Variants in ZIC5 observed in about 807,000 individuals in gnomAD.
ZIC5 encodes the protein Zic family zinc finger 5.
A neutral mutation model predicts 28.5 loss-of-function variants in ZIC5; 20 were observed. The ratio of observed to expected loss-of-function variants is 0.70; its 90% CI spans 0.49 to 1.02. The LOEUF (loss-of-function observed/expected upper bound fraction) is 1.02. Ranked by LOEUF, ZIC5 falls within the 50% of genes least tolerant of loss-of-function variation. ZIC5 has a pLI of 0.00. For synonymous variants in ZIC5, 488 were observed against 410.4 expected (o/e 1.19, Z -2.29); for missense variants, 951 against 899.7 (o/e 1.06, Z -0.73).
Position 99,970,208 on chromosome 13 carries a change from G to A in ZIC5, c.1396C>T (p.Pro466Ser). Residue 466 changes from proline to serine, a missense_variant, in exon 1 of 2, where the codon CCC (proline) becomes TCC (serine). This residue lies in a region of ZIC5 where 59 missense variants were observed against 121.2 expected (regional missense o/e 0.49). Coordinates refer to ENST00000267294, the MANE Select transcript of ZIC5 (RefSeq NM_033132.5). ...CAGCCGGGGAAAGGGCAGGGAAAGG[G>A]CTTCTCGCCGGTGTGCACGCGGATG... is the stretch of plus-strand genomic sequence containing the variant. ...NHIRVHTGEK[P>S]FPCPFPGCGK... 1 of 1,613,604 alleles carries A rather than the reference G, an allele frequency of 6.2e-7. No homozygotes were observed. Among genetic ancestry groups the A allele is most frequent in the Non-Finnish European group, 8.5e-7 (1 of 1,179,790 alleles).
At chr13:99,969,717 T>C (rs984586005) in intron 1 of ZIC5, among the ~76,000 whole-genome samples, 2 of 151,974 alleles carry the variant, frequency 1.3e-5, no homozygotes, top group East Asian at 3.9e-4. Context: ...CCGGCCTCTC[T>C]TTCCATCGCC....
chr13:99,965,863 C>G (rs1365485303), intron 1 of ZIC5, 44 bp from the exon 2 acceptor site: 2 of 1,558,896 alleles, frequency 1.3e-6, no homozygotes, highest in Non-Finnish European at 1.7e-6. Flanking sequence ...TTTCCAAGAC[C>G]CCTCTCTTGA....
At position 99,970,066 on chromosome 13, in the gene ZIC5, AGCGGCGGCGGCGCAGGAGCTGGTGGCG is replaced by A. The variant is rs1243565407; in HGVS notation, c.1477+34_1477+60del. 2.3e-5 allele frequency: 37 copies of A among 1,594,474 alleles called. No individual in the cohort carries two copies. In the South Asian group the frequency reaches 2.4e-4, roughly 10 times the overall value. On this transcript the variant is annotated intron_variant, in intron 1 of 1. Transcript: ENST00000267294. ...GAGGAGGAGGAGAAGCAGCGGCGGA[AGCGGCGGCGGCGCAGGAGCTGGTGGCG>A]GCGGCGGCGGCGCGGCCGGGGACAG...
intron 1 of ZIC5, among the ~76,000 whole-genome samples, chr13:99,969,619 G>C (rs989811828): frequency 1.3e-5 from 2 of 152,160 alleles, no homozygotes; most frequent in African/African-American, 2.4e-5. Context: ...GCCCAAATCC[G>C]GCAGCAAATC....
At position 99,970,357 on chromosome 13, in the gene ZIC5, T is replaced by C; in HGVS notation, c.1247A>G (p.Glu416Gly). The C allele has an allele frequency of 6.3e-7, 1 of 1,596,532 alleles. No homozygotes were observed. Among genetic ancestry groups the C allele is most frequent in the Non-Finnish European group, 8.5e-7 (1 of 1,174,364 alleles). ...PCSKTFGTMHELVNHVTVEHV... is the reference protein window; with the variant it reads ...PCSKTFGTMHGLVNHVTVEHV... ...CTCCACCGTGACGTGATTCACCAGCTCGTGCATGGTGCCGAAAGTTTTGGA... is the reference window on the plus strand; with the variant it reads ...CTCCACCGTGACGTGATTCACCAGCCCGTGCATGGTGCCGAAAGTTTTGGA... Residue 416 changes from glutamate to glycine, a missense_variant, in exon 1 of 2, where the codon GAG becomes GGG. Physicochemically the swap from Glu to Gly is moderately conservative, Grantham distance 98 (BLOSUM62 -2). Coordinates refer to ENST00000267294, the MANE Select transcript of ZIC5 (RefSeq NM_033132.5).
chr13:99,970,653 GGCC>G lies in ZIC5; in HGVS notation c.948_950del (p.Ala321del). 8.7e-7 allele frequency: 1 copy of G among 1,144,018 alleles called. No individual in the cohort carries two copies. 70.9% of individuals were successfully genotyped at this position (1,144,018 alleles called of 1,614,324 possible). A position where few individuals can be genotyped will look rare whatever the true frequency, so the allele number is the denominator to read the frequency against. The stretch of plus-strand genomic sequence containing the variant: ...GGGGCCCGGGCCCGGCCGCTGCTGC[GGCC>G]GCCGCAGCCGCCAGGTTCAGGTTTA... On this transcript the variant is annotated inframe_deletion, in exon 1 of 2. Coordinates refer to ENST00000267294, the MANE Select transcript of ZIC5 (RefSeq NM_033132.5).
In ZIC5 at chr13:99,970,414, GGC is replaced by G. The variant is rs2152156194; in HGVS notation, c.1188_1189del (p.Pro397ThrfsTer103). ...CTTGGCGCCGCCGGCCGGGGGCGGT[GGC>G]GGCGGCGGCGGCGGCGGCGGCGGCG... On this transcript the variant is annotated frameshift_variant, in exon 1 of 2. Transcript: ENST00000267294. LOFTEE classifies it high-confidence loss of function. 2.0e-6 allele frequency: 1 copy of G among 499,020 alleles called. No individual in the cohort carries two copies. Among genetic ancestry groups the G allele is most frequent in the Non-Finnish European group, 2.2e-6 (1 of 447,860 alleles). The allele number at this position is 499,020 out of a possible 1,614,324, so 30.9% of individuals were successfully genotyped here. A position where few individuals can be genotyped will look rare whatever the true frequency, so the allele number is the denominator to read the frequency against.
chr13:99,968,729 G>C (rs1365852141), intron 1 of ZIC5, among the ~76,000 whole-genome samples: 1 of 152,200 alleles, frequency 6.6e-6, no homozygotes, highest in Admixed American at 6.5e-5. Flanking sequence ...CCGGCTTAGC[G>C]GGCCAGGGCG....
rs1008517989 is a variant in ZIC5, at chr13:99,964,020, G to C, written c.*1357C>G. 12 of 152,596 alleles carry C rather than the reference G, an allele frequency of 7.9e-5. No homozygotes were observed. Among genetic ancestry groups the C allele is most frequent in the Admixed American group, 6.5e-4 (10 of 15,276 alleles). The allele number at this position is 152,596 out of a possible 1,614,324, so 9.5% of individuals were successfully genotyped here. A position where few individuals can be genotyped will look rare whatever the true frequency, so the allele number is the denominator to read the frequency against. On this transcript the variant is annotated 3_prime_UTR_variant, in exon 2 of 2. Transcript: ENST00000267294. ...TACCAACCGAAAATAAATCGACTAA[G>C]AGTTATTGTCCTAGGTCCTTGACCT...
intron 1 of ZIC5, among the ~76,000 whole-genome samples, chr13:99,969,703 C>A (rs2053131313): frequency 6.8e-6 from 1 of 147,216 alleles, no homozygotes; most frequent in Admixed American, 6.7e-5. Flanking sequence ...CTTGCCGGGG[C>A]GGCCCGGCCT....
At position 99,965,429 on chromosome 13, in the gene ZIC5, G is replaced by A. The variant is rs770110447; in HGVS notation, c.1868C>T (p.Thr623Ile). Reference sequence around the variant, plus strand: ...GTTCCCGTAAATTTCCTCATCTTCAGTCTCAGAGGTGGTTCCGTTGCTGGA... The same window carrying A: ...GTTCCCGTAAATTTCCTCATCTTCAATCTCAGAGGTGGTTCCGTTGCTGGA... ...TPSSNGTTSE[T>I]EDEEIYGNPE... is the part of the protein sequence containing the mutation. The change falls in exon 2 of 2, where the codon ACT (threonine) becomes ATT (isoleucine). Residue 623 changes from threonine to isoleucine, a missense_variant. By Grantham distance (89) the Thr-to-Ile change is moderately conservative. Around this residue, in one of 3 missense-constraint regions of ZIC5, gnomAD observed 108 missense variants for 118.4 expected, o/e 0.91. Coordinates refer to ENST00000267294, the MANE Select transcript of ZIC5 (RefSeq NM_033132.5). The A allele has an allele frequency of 1.2e-6, 2 of 1,614,106 alleles. No homozygotes were observed.
intron 1 of ZIC5, among the ~76,000 whole-genome samples, chr13:99,968,517 C>T (rs2053118718): frequency 6.6e-6 from 1 of 152,104 alleles, no homozygotes; most frequent in African/African-American, 2.4e-5. Flanking sequence ...CCGCCGGGGG[C>T]CCGGATCGGC....
Position 99,964,182 on chromosome 13 carries a change from A to G in ZIC5, c.*1195T>C, listed in dbSNP as rs1396954052. 6.6e-6 allele frequency: 1 copy of G among 152,204 alleles called. No homozygotes were observed. Among genetic ancestry groups the G allele is most frequent in the East Asian group, 1.9e-4 (1 of 5,198 alleles). The allele number at this position is 152,204 out of a possible 1,614,324, so 9.4% of individuals were successfully genotyped here. ...TTAATGTAAATCATACACTTCACAC[A>G]CTGTCATTTTCAAATGGATTCCAGT... On this transcript the variant is annotated 3_prime_UTR_variant, in exon 2 of 2. Transcript: ENST00000267294.
chr13:99,971,658 G>C lies in ZIC5; in HGVS notation c.-55C>G. 6.4e-7 allele frequency: 1 copy of C among 1,557,764 alleles called. No homozygotes were observed. Among genetic ancestry groups the C allele is most frequent in the Non-Finnish European group, 8.7e-7 (1 of 1,149,752 alleles). ...TCACTGGGGGGACTTTATTCCCTCT[G>C]CCCGCCTTCAAAAACATGTATGTAT... On this transcript the variant is annotated 5_prime_UTR_variant, in exon 1 of 2. Coordinates refer to ENST00000267294, the MANE Select transcript of ZIC5 (RefSeq NM_033132.5).
chr13:99,965,248 A>G lies in ZIC5; in HGVS notation c.*129T>C. On this transcript the variant is annotated 3_prime_UTR_variant, in exon 2 of 2. Coordinates refer to ENST00000267294, the MANE Select transcript of ZIC5 (RefSeq NM_033132.5). The stretch of plus-strand genomic sequence containing the variant: ...ACACCATAGGGTTTCATACTGAATA[A>G]ATAGGGCTAATTAGACCCGGTGGCA... 1.3e-6 allele frequency: 1 copy of G among 745,698 alleles called. No homozygotes were observed. 46.2% of individuals were successfully genotyped at this position (745,698 alleles called of 1,614,324 possible).
chr13:99,970,740 G>A lies in ZIC5; in HGVS notation c.864C>T (p.His288=), dbSNP rs1252045489. 8.3e-7 allele frequency: 1 copy of A among 1,201,272 alleles called. No homozygotes were observed. Among genetic ancestry groups the A allele is most frequent in the Non-Finnish European group, 1.0e-6 (1 of 966,082 alleles). The allele number at this position is 1,201,272 out of a possible 1,614,324, so 74.4% of individuals were successfully genotyped here. A position where few individuals can be genotyped will look rare whatever the true frequency, so the allele number is the denominator to read the frequency against. ...CCGCTGCGGCCGCAACCGCCCCGTA[G>A]TGCGCGTCCCCAGAGCGCGGCGCGA... is the stretch of plus-strand genomic sequence containing the variant. ...PPFAPRSGDA[H]YGAVAAAAAA... is the part of the protein sequence containing the mutation. Residue 288 remains histidine, a synonymous_variant, in exon 1 of 2, where the codon CAC becomes CAT. Transcript: ENST00000267294.
intron 1 of ZIC5, among the ~76,000 whole-genome samples, chr13:99,966,968 TATTGA>T (rs2053104950): frequency 6.6e-6 from 1 of 152,240 alleles, no homozygotes; most frequent in Admixed American, 6.5e-5. Context: ...TCATACATAT[TATTGA>T]ATTAATATTT....
Position 99,971,576 on chromosome 13 carries a change from G to A in ZIC5, c.28C>T (p.Pro10Ser), listed in dbSNP as rs1421601416. The A allele has an allele frequency of 1.1e-5, 17 of 1,553,830 alleles. No homozygotes were observed. The highest frequency in any genetic ancestry group is 1.5e-5 in the Non-Finnish European group (17 of 1,147,904). Residue 10 changes from proline to serine, a missense_variant, in exon 1 of 2, where the codon CCG (proline) becomes TCG (serine). Pro to Ser is a moderately conservative substitution (Grantham distance 74, BLOSUM62 -1). This residue lies in a region of ZIC5 where 784 missense variants were observed against 660.1 expected (regional missense o/e 1.19). Coordinates refer to ENST00000267294, the MANE Select transcript of ZIC5 (RefSeq NM_033132.5). Reference protein sequence around the residue: MEPPLSKRNPPALRLADLAT... With the variant: MEPPLSKRNSPALRLADLAT... ...AAATCCGCTAATCTCAGCGCTGGCG[G>A]GTTCCTCTTGCTCAAAGGGGGCTCC...
intron 1 of ZIC5, among the ~76,000 whole-genome samples, chr13:99,969,616 T>C (rs2053130417): frequency 6.6e-6 from 1 of 151,820 alleles, no homozygotes; most frequent in African/African-American, 2.4e-5. Flanking sequence ...GCGGCCCAAA[T>C]CCGGCAGCAA....
Sources: allele counts gnomAD v4.1 joint callset (sites outside exome capture counted in the v4.1 genomes callset), GRCh38; gene constraint gnomAD v4.1.1; regional missense constraint gnomAD v4.1.1; transcripts MANE v1.5; gene names NCBI Gene and HGNC (gene_info 2026-07-23, HGNC 2026-07-21).